B3GALT1: variants seen among roughly 807,000 people sequenced by gnomAD.
The protein encoded by B3GALT1 is beta-1,3-galactosyltransferase 1.
In B3GALT1, 10 loss-of-function variants were observed where a neutral mutation model predicts 23.2. The observed-to-expected ratio is 0.43, with a 90% CI of 0.27 to 0.73. B3GALT1 has a LOEUF of 0.73. B3GALT1 is among the 30% of genes least tolerant of loss of function. The probability of loss-of-function intolerance (pLI) is 0.21; values close to 1 mark genes in which losing one functional copy is unlikely to be tolerated. For missense variants in B3GALT1, 299 were observed against 405.4 expected (o/e 0.74, Z 2.25); for synonymous variants, 156 against 141.5 (o/e 1.10, Z -0.73).
At chr2:167,497,949 T>C (rs16853653) in intron 2 of B3GALT1, among the ~76,000 whole-genome samples, 2,148 of 152,158 alleles carry the variant, frequency 0.014, 52 homozygotes, top group East Asian at 0.11. Flanking sequence ...CTGTTAAATA[T>C]TAACAATGTT....
chr2:167,597,411 A>G (rs887642616), intron 2 of B3GALT1, among the ~76,000 whole-genome samples: 7 of 151,986 alleles, frequency 4.6e-5, no homozygotes, highest in African/African-American at 7.2e-5. Context: ...CACCATGCCC[A>G]GCCCATTGTC....
intron 3 of B3GALT1, among the ~76,000 whole-genome samples, chr2:167,742,939 A>C (rs878885264): frequency 6.6e-6 from 1 of 152,156 alleles, no homozygotes; most frequent in Non-Finnish European, 1.5e-5. Flanking sequence ...ATAAAGAAAA[A>C]AATGTGTCAC....
intron 1 of B3GALT1, among the ~76,000 whole-genome samples, chr2:167,422,989 A>G (rs1469165296): frequency 6.6e-6 from 1 of 152,194 alleles, no homozygotes; most frequent in Non-Finnish European, 1.5e-5. Flanking sequence ...ATGCCATAGA[A>G]TTGCAGCTGG....
intron 3 of B3GALT1, among the ~76,000 whole-genome samples, chr2:167,679,301 T>C (rs1426570295): frequency 6.6e-6 from 1 of 152,060 alleles, no homozygotes; most frequent in East Asian, 1.9e-4. Context: ...GTATTATTAG[T>C]AGAGACAGGG....
chr2:167,869,238 AT>A lies in B3GALT1; in HGVS notation c.200del (p.Ile67ThrfsTer46), dbSNP rs759902933. 6.2e-7 allele frequency: 1 copy of A among 1,614,074 alleles called. No individual in the cohort carries two copies. The highest frequency in any genetic ancestry group is 1.3e-5 in the African/African-American group (1 of 74,916). On this transcript the variant is annotated frameshift_variant, in exon 5 of 5. Coordinates refer to ENST00000392690, the MANE Select transcript of B3GALT1 (RefSeq NM_020981.4). LOFTEE classifies it high-confidence loss of function. This position sits in a 1 kb window ranked among gnomAD's most constrained non-coding sequence, Gnocchi z 6.4. ...CAACCCACATTCTTTTGAATTTCTT[AT>A]CAACGAGCCCAATAAATGTGAGAAA... The part of the protein sequence containing the change: ...PINPHSFEFL[I>X]NEPNKCEKNI...
chr2:167,667,018 G>A (rs981784472), intron 3 of B3GALT1, among the ~76,000 whole-genome samples: 3 of 149,042 alleles, frequency 2.0e-5, no homozygotes, highest in African/African-American at 7.7e-5. Flanking sequence ...TATTTGGCTC[G>A]TTAGTTGATG....
At chr2:167,582,038 C>A (rs1684492482) in intron 2 of B3GALT1, among the ~76,000 whole-genome samples, 1 of 152,160 alleles carries the variant, frequency 6.6e-6, no homozygotes, top group African/African-American at 2.4e-5. Context: ...AGAAGAATAG[C>A]TCCTCTCCAA....
chr2:167,402,191 AAG>A (rs1358011999), intron 1 of B3GALT1, among the ~76,000 whole-genome samples: 2 of 152,132 alleles, frequency 1.3e-5, no homozygotes, highest in African/African-American at 4.8e-5. Context: ...TTAATTTCTA[AAG>A]AGAGTTCATA....
At chr2:167,341,584 C>T (rs1026217110) in intron 1 of B3GALT1, among the ~76,000 whole-genome samples, 2 of 151,990 alleles carry the variant, frequency 1.3e-5, no homozygotes, top group African/African-American at 4.8e-5. Flanking sequence ...ATCACTTGAA[C>T]CCAGGAGGAG....
chr2:167,563,909 T>TC (rs1190204739), intron 2 of B3GALT1, among the ~76,000 whole-genome samples: 1 of 75,354 alleles, frequency 1.3e-5, no homozygotes, highest in Admixed American at 1.4e-4. Context: ...GCGGGGCCGA[T>TC]CCCCCCACCT....
In B3GALT1 at chr2:167,869,140, G is replaced by T. The variant is rs771736989; in HGVS notation, c.101G>T (p.Gly34Val). 6.2e-7 allele frequency: 1 copy of T among 1,614,094 alleles called. No individual in the cohort carries two copies. Residue 34 changes from glycine (G) to valine (V), a missense_variant, in exon 5 of 5, where the codon GGC becomes GTC. Gly to Val is a moderately radical substitution (Grantham distance 109, BLOSUM62 -3). Transcript: ENST00000392690. The surrounding 1 kb of genome is among the most constrained non-coding windows in gnomAD (Gnocchi z 6.4). ...SITRPTSSYTGSKPFSHLTVA... is the reference protein window; with the variant it reads ...SITRPTSSYTVSKPFSHLTVA... ...ACTCGCCCTACTTCTTCTTACACTG[G>T]CTCCAAACCATTCAGCCACCTAACA...
At chr2:167,352,028 T>C (rs1213413268) in intron 1 of B3GALT1, among the ~76,000 whole-genome samples, 3 of 151,226 alleles carry the variant, frequency 2.0e-5, no homozygotes, top group Non-Finnish European at 4.4e-5. Context: ...GGCACGATCT[T>C]GGCTCACTGC....
intron 4 of B3GALT1, among the ~76,000 whole-genome samples, chr2:167,843,847 A>T (rs1053547748): frequency 2.0e-5 from 3 of 152,208 alleles, no homozygotes; most frequent in Non-Finnish European, 4.4e-5. Flanking sequence ...CACTATGAGT[A>T]TGATCTGAGG....
intron 2 of B3GALT1, among the ~76,000 whole-genome samples, chr2:167,556,326 C>T (rs538333943): frequency 4.6e-5 from 7 of 152,174 alleles, no homozygotes; most frequent in Non-Finnish European, 7.4e-5. Context: ...TAAACAGTTT[C>T]GAGGACTAAA....
At chr2:167,639,891 A>G (rs764044751) in intron 2 of B3GALT1, among the ~76,000 whole-genome samples, 16 of 152,120 alleles carry the variant, frequency 1.1e-4, no homozygotes, top group Admixed American at 2.0e-4. Context: ...GTCAAATCCC[A>G]AAGACCCTAC....
At chr2:167,347,014 T>C (rs1448774854) in intron 1 of B3GALT1, among the ~76,000 whole-genome samples, 1 of 152,238 alleles carries the variant, frequency 6.6e-6, no homozygotes. Flanking sequence ...ATACAAAATA[T>C]ATTGTGTTTT....
chr2:167,563,973 C>T (rs1399078040), intron 2 of B3GALT1, among the ~76,000 whole-genome samples: 3 of 145,264 alleles, frequency 2.1e-5, no homozygotes, highest in African/African-American at 7.7e-5. Flanking sequence ...ACCTCCCTTC[C>T]GGACGGGGCA....
intron 2 of B3GALT1, among the ~76,000 whole-genome samples, chr2:167,565,210 A>G (rs958148941): frequency 9.8e-5 from 15 of 152,306 alleles, no homozygotes; most frequent in Admixed American, 2.6e-4. Flanking sequence ...CTGCATATCT[A>G]CAACTATCTG....
intron 3 of B3GALT1, among the ~76,000 whole-genome samples, chr2:167,802,625 T>C (rs746900072): frequency 6.6e-6 from 1 of 152,238 alleles, no homozygotes; most frequent in Admixed American, 6.5e-5. Context: ...AATGGCTTAA[T>C]GATTCTTATA....
Sources: gnomAD v4.1 joint callset for allele counts (sites outside exome capture counted in the v4.1 genomes callset) on GRCh38, gnomAD v4.1.1 for gene constraint, Gnocchi (gnomAD v3.1) non-coding constraint, MANE v1.5 for transcripts, NCBI Gene and HGNC (gene_info 2026-07-23, HGNC 2026-07-21) for gene names.